The following ATRNL1 variants were observed in gnomAD, a reference collection of about 807,000 sequenced individuals.
The protein encoded by ATRNL1 is attractin-like protein 1.
ATRNL1 carries 95 observed loss-of-function variants against 182.7 expected under a neutral mutation model. The ratio of observed to expected loss-of-function variants is 0.52; its 90% CI spans 0.44 to 0.62. The LOEUF is 0.62. ATRNL1 is among the 20% of genes least tolerant of loss of function. The probability of loss-of-function intolerance (pLI) is 0.00; values close to 1 mark genes in which losing one functional copy is unlikely to be tolerated. For synonymous variants in ATRNL1, 576 were observed against 568.3 expected (o/e 1.01, Z -0.19); for missense variants, 1,471 against 1,679.5 (o/e 0.88, Z 2.17).
At chr10:115,622,228 G>A (rs1292558656) in intron 26 of ATRNL1, among the ~76,000 whole-genome samples, 2 of 152,200 alleles carry the variant, frequency 1.3e-5, no homozygotes, top group Admixed American at 6.5e-5. Context: ...TATCCAAAGA[G>A]ATTGAGGAAC....
chr10:115,700,424 G>A (rs1458432398), intron 26 of ATRNL1, among the ~76,000 whole-genome samples: 4 of 152,026 alleles, frequency 2.6e-5, no homozygotes, highest in South Asian at 2.1e-4. Context: ...TTGTGGTTTT[G>A]ATTTCCATTT....
chr10:115,147,123 C>G (rs1554879572), intron 5 of ATRNL1, among the ~76,000 whole-genome samples: 1 of 152,064 alleles, frequency 6.6e-6, no homozygotes, highest in African/African-American at 2.4e-5. Context: ...TTCTGTGTAT[C>G]CTTGCCAGCA....
At chr10:115,734,750 G>A (rs1947899399) in intron 27 of ATRNL1, among the ~76,000 whole-genome samples, 1 of 151,698 alleles carries the variant, frequency 6.6e-6, no homozygotes, top group South Asian at 2.1e-4. Flanking sequence ...GTGTCTTTTG[G>A]TAATATTTTT....
At chr10:115,778,361 T>C (rs1593203417) in intron 27 of ATRNL1, among the ~76,000 whole-genome samples, 1 of 152,232 alleles carries the variant, frequency 6.6e-6, no homozygotes, top group East Asian at 1.9e-4. Context: ...AAGTATAAAA[T>C]GTCAAATGCC....
At chr10:115,797,619 G>A (rs557661653) in intron 27 of ATRNL1, among the ~76,000 whole-genome samples, 39 of 152,220 alleles carry the variant, frequency 2.6e-4, no homozygotes, top group South Asian at 2.1e-4. Context: ...AATTGTATGT[G>A]TGCACGTGTG....
At chr10:115,644,445 G>A (rs1486144856) in intron 26 of ATRNL1, among the ~76,000 whole-genome samples, 1 of 152,088 alleles carries the variant, frequency 6.6e-6, no homozygotes, top group Non-Finnish European at 1.5e-5. Flanking sequence ...TACAGAAGAG[G>A]AGAATGAGTC....
intron 28 of ATRNL1, among the ~76,000 whole-genome samples, chr10:115,862,712 A>G (rs1039745585): frequency 8.5e-5 from 13 of 152,308 alleles, no homozygotes; most frequent in Middle Eastern, 3.4e-3. Flanking sequence ...TTACCCTAAA[A>G]TACACCTCCA....
intron 21 of ATRNL1, among the ~76,000 whole-genome samples, chr10:115,459,883 T>C (rs1554969373): frequency 6.6e-6 from 1 of 152,146 alleles, no homozygotes; most frequent in African/African-American, 2.4e-5. Context: ...TTTTGTACTC[T>C]GTCCCTTTAT....
At chr10:115,336,362 A>G (rs533664805) in intron 19 of ATRNL1, among the ~76,000 whole-genome samples, 63 of 152,326 alleles carry the variant, frequency 4.1e-4, no homozygotes, top group African/African-American at 1.4e-3. Context: ...TTTAGGGTCT[A>G]CATACTAGAG....
intron 8 of ATRNL1, among the ~76,000 whole-genome samples, chr10:115,203,592 T>TC (rs1202918600): frequency 3.4e-5 from 5 of 149,056 alleles, no homozygotes; most frequent in Non-Finnish European, 6.0e-5. Context: ...TTTTTTTTTT[T>TC]TTTTTGAGAT....
chr10:115,685,024 C>T (rs1946171795), intron 26 of ATRNL1, among the ~76,000 whole-genome samples: 1 of 151,726 alleles, frequency 6.6e-6, no homozygotes, highest in Admixed American at 6.6e-5. Flanking sequence ...ACTTGGAGTA[C>T]ATCAGCCATT....
intron 19 of ATRNL1, among the ~76,000 whole-genome samples, chr10:115,362,293 A>T (rs1554944450): frequency 6.6e-6 from 1 of 152,094 alleles, no homozygotes; most frequent in East Asian, 1.9e-4. Flanking sequence ...TAGAGCTATA[A>T]ATAAAAATGT....
At chr10:115,094,993 A>T (rs1169718970) in intron 1 of ATRNL1, among the ~76,000 whole-genome samples, 6 of 152,176 alleles carry the variant, frequency 3.9e-5, no homozygotes, top group African/African-American at 1.2e-4. Context: ...GAGCCTAAGA[A>T]GTTTGCTTGC....
chr10:115,580,128 T>A (rs1222060606), intron 26 of ATRNL1, among the ~76,000 whole-genome samples: 1 of 152,114 alleles, frequency 6.6e-6, no homozygotes, highest in Non-Finnish European at 1.5e-5. Flanking sequence ...CAAATTACCA[T>A]GTATCTATCT....
intron 19 of ATRNL1, among the ~76,000 whole-genome samples, chr10:115,343,278 A>G (rs1855831620): frequency 6.6e-6 from 1 of 152,020 alleles, no homozygotes; most frequent in Admixed American, 6.6e-5. Flanking sequence ...TTTTGTAGCT[A>G]TTCTCTAAAT....
chr10:115,638,484 A>G (rs1159001492), intron 26 of ATRNL1, among the ~76,000 whole-genome samples: 1 of 152,222 alleles, frequency 6.6e-6, no homozygotes, highest in East Asian at 1.9e-4. Flanking sequence ...CACTTATTGT[A>G]CAGAATGTCC....
intron 13 of ATRNL1, among the ~76,000 whole-genome samples, chr10:115,276,855 A>G (rs1852127783): frequency 1.3e-5 from 2 of 152,096 alleles, no homozygotes; most frequent in South Asian, 4.1e-4. Context: ...TTGAAATATA[A>G]TTTCATTTTT....
intron 13 of ATRNL1, among the ~76,000 whole-genome samples, chr10:115,275,876 A>G (rs1156689578): frequency 6.6e-6 from 1 of 152,294 alleles, no homozygotes; most frequent in Non-Finnish European, 1.5e-5. Flanking sequence ...AGCATTTCCA[A>G]GTCACTCACT....
At chr10:115,556,308 C>A (rs1167363470) in intron 26 of ATRNL1, among the ~76,000 whole-genome samples, 1 of 152,062 alleles carries the variant, frequency 6.6e-6, no homozygotes. Flanking sequence ...TGTCATATGT[C>A]ATTCATATTT....
Sources: allele counts gnomAD v4.1 joint callset (sites outside exome capture counted in the v4.1 genomes callset), GRCh38; gene constraint gnomAD v4.1.1; transcripts MANE v1.5; gene names NCBI Gene and HGNC (gene_info 2026-07-23, HGNC 2026-07-21).